GAB1: variants seen among roughly 807,000 people sequenced by gnomAD.
The protein encoded by GAB1 is GRB2-associated-binding protein 1.
Under a neutral mutation model 66.5 loss-of-function variants are expected in GAB1, and 19 were observed. That is an observed-to-expected ratio of 0.29 (90% CI 0.20 to 0.42). GAB1 has a LOEUF of 0.42. GAB1 is among the 10% of genes least tolerant of loss of function. The pLI is 1.00. For synonymous variants in GAB1, 294 were observed against 301.4 expected (o/e 0.98, Z 0.25); for missense variants, 732 against 858.5 (o/e 0.85, Z 1.84).
intron 1 of GAB1, among the ~76,000 whole-genome samples, chr4:143,339,689 A>T (rs1010525081): frequency 6.6e-6 from 1 of 152,210 alleles, no homozygotes; most frequent in African/African-American, 2.4e-5. Context: ...CGAGACAAGT[A>T]TATGTGAAAA....
At chr4:143,342,337 T>C (rs1489249268) in intron 1 of GAB1, among the ~76,000 whole-genome samples, 1 of 152,178 alleles carries the variant, frequency 6.6e-6, no homozygotes, top group Non-Finnish European at 1.5e-5. Flanking sequence ...GAACAAAAAG[T>C]GGCAAGAGTT....
Position 143,404,270 on chromosome 4 carries a change from G to A in GAB1, c.73-11207G>A, listed in dbSNP as rs556375644. ...TGAAAAATTCTAGATTGTCATTGGC[G>A]TATTTTATTAATGATCAGTTTTATT... On this transcript the variant is annotated intron_variant, in intron 1 of 9. Transcript: ENST00000262994. Among the ~76,000 whole-genome samples the A allele has an allele frequency of 7.9e-5, 12 of 152,248 alleles. No homozygotes were observed. In the South Asian group the frequency reaches 1.2e-3, roughly 16 times the overall value.
At chr4:143,400,375 G>A (rs1045111910) in intron 1 of GAB1, among the ~76,000 whole-genome samples, 2 of 152,162 alleles carry the variant, frequency 1.3e-5, no homozygotes, top group Non-Finnish European at 2.9e-5. Context: ...GAAAAGACTA[G>A]GCTGTGAAAG....
At chr4:143,401,522 GTAAA>G (rs1397739553) in intron 1 of GAB1, among the ~76,000 whole-genome samples, 2 of 152,164 alleles carry the variant, frequency 1.3e-5, no homozygotes, top group Non-Finnish European at 2.9e-5. Context: ...AAGTTAGAAA[GTAAA>G]TAAATATCTA....
At chr4:143,435,402 ATATTT>A (rs1733894079) in intron 3 of GAB1, among the ~76,000 whole-genome samples, 2 of 152,312 alleles carry the variant, frequency 1.3e-5, no homozygotes, top group South Asian at 2.1e-4. Flanking sequence ...CTACTAACTA[ATATTT>A]TATTTTACAA....
At chr4:143,465,879 T>C (rs574057033) in intron 8 of GAB1, 6 of 368,400 alleles carry the variant, frequency 1.6e-5, no homozygotes, top group Admixed American at 4.3e-5. Context: ...TCAATCTTAG[T>C]GTGAACCAAG....
intron 6 of GAB1, among the ~76,000 whole-genome samples, chr4:143,449,742 C>G (rs1302278113): frequency 1.3e-5 from 2 of 152,144 alleles, no homozygotes; most frequent in African/African-American, 4.8e-5. Context: ...GACTCTTTAT[C>G]CAATTTGCCA....
At chr4:143,366,762 C>T (rs904555390) in intron 1 of GAB1, among the ~76,000 whole-genome samples, 12 of 152,026 alleles carry the variant, frequency 7.9e-5, no homozygotes, top group African/African-American at 2.9e-4. Context: ...CTGGCTCTAT[C>T]GTCCAGGCTA....
At chr4:143,403,404 G>T (rs909332285) in intron 1 of GAB1, among the ~76,000 whole-genome samples, 1 of 151,906 alleles carries the variant, frequency 6.6e-6, no homozygotes, top group Non-Finnish European at 1.5e-5. Flanking sequence ...AGTGTAGAGG[G>T]AGATGAAAAG....
At chr4:143,338,079 G>A (rs1728719209) in intron 1 of GAB1, among the ~76,000 whole-genome samples, 1 of 152,168 alleles carries the variant, frequency 6.6e-6, no homozygotes, top group East Asian at 1.9e-4. Flanking sequence ...TTGTGTAATT[G>A]ATACAAGATG....
At chr4:143,400,974 A>C (rs1731741243) in intron 1 of GAB1, among the ~76,000 whole-genome samples, 1 of 152,136 alleles carries the variant, frequency 6.6e-6, no homozygotes, top group Admixed American at 6.5e-5. Context: ...ATCACAAAAA[A>C]AAAAAAAAAA....
intron 9 of GAB1, 57 bp downstream of exon 9, chr4:143,466,282 T>C (rs943092038): frequency 3.0e-5 from 45 of 1,522,146 alleles, no homozygotes; most frequent in Non-Finnish European, 3.8e-5. Context: ...ACTTCAAACC[T>C]GAAGAATTAT....
chr4:143,458,890 G>T lies in GAB1; in HGVS notation c.1586-495G>T, dbSNP rs28925940. 3.3e-3 allele frequency among the ~76,000 whole-genome samples: 503 copies of T among 151,954 alleles called. 1 individual carries two copies. The highest frequency in any genetic ancestry group is 0.012 in the African/African-American group (492 of 41,480). ...TTTAAAAGATTCGAACATTTTTTCA[G>T]TTTGGGGTTTTAACAAAGTTGTGTT... On this transcript the variant is annotated intron_variant, in intron 6 of 9. Coordinates refer to ENST00000262994, the MANE Select transcript of GAB1 (RefSeq NM_002039.4).
intron 3 of GAB1, among the ~76,000 whole-genome samples, chr4:143,436,513 A>G (rs1733949277): frequency 6.6e-6 from 1 of 152,206 alleles, no homozygotes; most frequent in South Asian, 2.1e-4. Context: ...AATTCCACTA[A>G]GGAGAGTTCA....
intron 1 of GAB1, among the ~76,000 whole-genome samples, chr4:143,339,707 A>G (rs1728766134): frequency 6.6e-6 from 1 of 152,184 alleles, no homozygotes; most frequent in Admixed American, 6.5e-5. Flanking sequence ...AAAAGCCAAC[A>G]GTGCAAAGTG....
intron 8 of GAB1, among the ~76,000 whole-genome samples, chr4:143,461,557 T>C (rs1735494330): frequency 6.6e-6 from 1 of 152,202 alleles, no homozygotes; most frequent in Admixed American, 6.5e-5. Context: ...GAAACTGCTT[T>C]ATAGAAACCA....
At chr4:143,370,674 A>G (rs1001325982) in intron 1 of GAB1, among the ~76,000 whole-genome samples, 1 of 152,072 alleles carries the variant, frequency 6.6e-6, no homozygotes, top group African/African-American at 2.4e-5. Flanking sequence ...CATTAGGTAT[A>G]TCTCCTAATG....
intron 1 of GAB1, among the ~76,000 whole-genome samples, chr4:143,386,632 T>A (rs1273530510): frequency 2.6e-5 from 4 of 152,140 alleles, no homozygotes; most frequent in African/African-American, 9.7e-5. Context: ...AAGCAATCCA[T>A]CTACCTCACC....
At chr4:143,407,487 A>G (rs771319443) in intron 1 of GAB1, among the ~76,000 whole-genome samples, 4 of 152,154 alleles carry the variant, frequency 2.6e-5, no homozygotes, top group Non-Finnish European at 5.9e-5. Flanking sequence ...GTATCCAGGC[A>G]ATGTACGTAA....
Sources: gnomAD v4.1 joint callset for allele counts (sites outside exome capture counted in the v4.1 genomes callset) on GRCh38, gnomAD v4.1.1 for gene constraint, MANE v1.5 for transcripts, NCBI Gene and HGNC (gene_info 2026-07-23, HGNC 2026-07-21) for gene names.